The following SLC9A1 variants were observed in gnomAD, a reference collection of about 807,000 sequenced individuals.
The protein encoded by SLC9A1 is solute carrier family 9 member A1.
Under a neutral mutation model 67.9 loss-of-function variants are expected in SLC9A1, and 22 were observed. That is an observed-to-expected ratio of 0.32 (90% confidence interval 0.23 to 0.46). The LOEUF is 0.46. Ranked by LOEUF, SLC9A1 falls within the 20% of genes least tolerant of loss-of-function variation. The pLI is 1.00. For synonymous variants in SLC9A1, 421 were observed against 471.8 expected (o/e 0.89, Z 1.40); for missense variants, 686 against 1,094.8 (o/e 0.63, Z 5.27).
intron 1 of SLC9A1, among the ~76,000 whole-genome samples, chr1:27,115,617 A>T (rs2083267395): frequency 6.6e-6 from 1 of 151,996 alleles, no homozygotes; most frequent in Admixed American, 6.6e-5. Flanking sequence ...ATTTGACACC[A>T]GCTTGTACAA....
chr1:27,121,055 C>A (rs1038112047), intron 1 of SLC9A1, among the ~76,000 whole-genome samples: 2 of 152,174 alleles, frequency 1.3e-5, no homozygotes, highest in Non-Finnish European at 2.9e-5. Flanking sequence ...ATGCCTCCCC[C>A]ACAAAAACAG....
intron 1 of SLC9A1, among the ~76,000 whole-genome samples, chr1:27,143,269 C>T (rs1197545524): frequency 6.6e-6 from 1 of 152,066 alleles, no homozygotes; most frequent in African/African-American, 2.4e-5. Context: ...TGATGTTCCT[C>T]TTCTACCCCT....
At position 27,109,836 on chromosome 1, in the gene SLC9A1, T is replaced by G; in HGVS notation, c.814-59A>C. ...AGAGGGCCCTGGCCCCACGGTTCCCTGGGGTCCACCCAGGGCAATCCTGTC... is the reference window on the plus strand; with the variant it reads ...AGAGGGCCCTGGCCCCACGGTTCCCGGGGGTCCACCCAGGGCAATCCTGTC... On this transcript the variant is annotated intron_variant, in intron 2 of 11. Coordinates refer to ENST00000263980, the MANE Select transcript of SLC9A1 (RefSeq NM_003047.5). This position sits in a 1 kb window ranked among gnomAD's most constrained non-coding sequence, Gnocchi z 5.5. 6.3e-7 allele frequency: 1 copy of G among 1,597,952 alleles called. No homozygotes were observed. Among genetic ancestry groups the G allele is most frequent in the South Asian group, 1.1e-5 (1 of 89,766 alleles).
At chr1:27,131,803 C>T (rs1208388017) in intron 1 of SLC9A1, among the ~76,000 whole-genome samples, 2 of 146,316 alleles carry the variant, frequency 1.4e-5, no homozygotes, top group Non-Finnish European at 3.0e-5. Flanking sequence ...ATCCCATAAT[C>T]TCAGCTACAT....
At chr1:27,136,626 G>A (rs1175725699) in intron 1 of SLC9A1, among the ~76,000 whole-genome samples, 1 of 151,994 alleles carries the variant, frequency 6.6e-6, no homozygotes, top group Non-Finnish European at 1.5e-5. Flanking sequence ...CCCTCTGAAG[G>A]GAGCCACCAC....
chr1:27,115,973 T>C (rs983439365), intron 1 of SLC9A1, among the ~76,000 whole-genome samples: 2 of 152,100 alleles, frequency 1.3e-5, no homozygotes, highest in East Asian at 1.9e-4. Context: ...CTTGAGATCC[T>C]TGGGACAGAG....
intron 3 of SLC9A1, among the ~76,000 whole-genome samples, chr1:27,108,824 G>A (rs570677139): frequency 6.6e-6 from 1 of 152,146 alleles, no homozygotes; most frequent in Admixed American, 6.5e-5. Flanking sequence ...TGACCCAATA[G>A]GAGTCAATGA....
At chr1:27,149,702 G>A (rs1194981793) in intron 1 of SLC9A1, among the ~76,000 whole-genome samples, 1 of 152,208 alleles carries the variant, frequency 6.6e-6, no homozygotes, top group African/African-American at 2.4e-5. Context: ...TCTTAAGGAT[G>A]AGGCAAGTCA....
rs140748912 is a variant in SLC9A1, at chr1:27,107,661, G to A, written c.1269C>T (p.Ile423=). 5.2e-5 allele frequency: 81 copies of A among 1,555,584 alleles called. No homozygotes were observed. The highest frequency in any genetic ancestry group is 1.2e-4 in the East Asian group (5 of 42,150). The change falls in exon 4 of 12, where the codon ATC becomes ATT. Residue 423 remains isoleucine (I), a synonymous_variant. Transcript: ENST00000263980. ...FVISTLLFCL[I]ARVLGVLGLT... Reference sequence around the variant, plus strand: ...CCTGGCCCTCACCCAGCACGCGGGCGATGAGGCAGAAGAGCAGGGTGCTGA... The same window carrying A: ...CCTGGCCCTCACCCAGCACGCGGGCAATGAGGCAGAAGAGCAGGGTGCTGA...
chr1:27,109,618 G>A lies in SLC9A1; in HGVS notation c.973C>T (p.His325Tyr). The A allele has an allele frequency of 1.2e-6, 2 of 1,613,902 alleles. No homozygotes were observed. Among genetic ancestry groups the A allele is most frequent in the Non-Finnish European group, 1.7e-6 (2 of 1,179,972 alleles). ...IAAFTSRFTS[H>Y]IRVIEPLFVF... is the part of the protein sequence containing the mutation. ...AAGAGCGGCTCGATGACCCGGATGT[G>A]GGAGGTAAATCGGGAGGTGAAGGCT... Residue 325 changes from histidine to tyrosine, a missense_variant, in exon 3 of 12, where the codon CAC becomes TAC. By Grantham distance (83) the His-to-Tyr change is moderately conservative. Transcript: ENST00000263980. The surrounding 1 kb of genome is among the most constrained non-coding windows in gnomAD (Gnocchi z 5.5).
intron 1 of SLC9A1, among the ~76,000 whole-genome samples, chr1:27,147,299 C>CA (rs57583944): frequency 0.47 from 20,692 of 43,940 alleles, 5,054 homozygotes; most frequent in East Asian, 0.72. Context: ...GACTCTGTCT[C>CA]AAAAAAAAAA....
intron 1 of SLC9A1, among the ~76,000 whole-genome samples, chr1:27,139,941 C>T (rs1487580709): frequency 1.3e-5 from 2 of 151,956 alleles, no homozygotes; most frequent in African/African-American, 2.4e-5. Context: ...TAGAGACTTG[C>T]ACCATCACAC....
intron 1 of SLC9A1, among the ~76,000 whole-genome samples, chr1:27,152,255 C>T (rs891641732): frequency 3.3e-5 from 5 of 152,186 alleles, no homozygotes; most frequent in African/African-American, 1.2e-4. Flanking sequence ...TTCTGACTGC[C>T]TAGAGTGGGG....
At position 27,099,403 on chromosome 1, in the gene SLC9A1, A is replaced by G. The variant is rs2083122541; in HGVS notation, c.*904T>C. 6.5e-6 allele frequency: 1 copy of G among 153,048 alleles called. No homozygotes were observed. Among genetic ancestry groups the G allele is most frequent in the African/African-American group, 2.4e-5 (1 of 41,470 alleles). 9.5% of individuals were successfully genotyped at this position (153,048 alleles called of 1,614,324 possible). A position where few individuals can be genotyped will look rare whatever the true frequency, so the allele number is the denominator to read the frequency against. On this transcript the variant is annotated 3_prime_UTR_variant, in exon 12 of 12. Transcript: ENST00000263980. ...AGCAACAGTTAAGAGCCCAGCAGGC[A>G]GAGAGACGTGGGGGAGGGGTTGGAC...
chr1:27,147,384 TG>T (rs1265345543), intron 1 of SLC9A1, among the ~76,000 whole-genome samples: 5 of 149,586 alleles, frequency 3.3e-5, no homozygotes, highest in African/African-American at 1.2e-4. Flanking sequence ...CCCAGCTACT[TG>T]GGAGGTTGAA....
chr1:27,128,169 C>A (rs974408455), intron 1 of SLC9A1, among the ~76,000 whole-genome samples: 2 of 152,142 alleles, frequency 1.3e-5, no homozygotes, highest in Non-Finnish European at 2.9e-5. Context: ...GAGCTCTGGT[C>A]CATCAATGAG....
intron 1 of SLC9A1, among the ~76,000 whole-genome samples, chr1:27,120,859 C>T (rs1276276618): frequency 1.3e-5 from 2 of 152,132 alleles, no homozygotes; most frequent in Non-Finnish European, 2.9e-5. Flanking sequence ...CACATCCTGA[C>T]CCCCAATTTG....
In SLC9A1 at chr1:27,100,204, G is replaced by T; in HGVS notation, c.*103C>A. On this transcript the variant is annotated 3_prime_UTR_variant, in exon 12 of 12. Transcript: ENST00000263980. This position sits in a 1 kb window ranked among gnomAD's most constrained non-coding sequence, Gnocchi z 5.6. ...CCAGCTGCCATGCGGTAGGGGGAGG[G>T]GCAGGGCCAATCCGGGTCAGGAAGG... 2.4e-6 allele frequency: 2 copies of T among 830,372 alleles called. No individual in the cohort carries two copies. The highest frequency in any genetic ancestry group is 3.6e-6 in the Non-Finnish European group (2 of 556,526). The allele number at this position is 830,372 out of a possible 1,614,324, so 51.4% of individuals were successfully genotyped here. A position where few individuals can be genotyped will look rare whatever the true frequency, so the allele number is the denominator to read the frequency against.
rs2083553057 is a variant in SLC9A1 at position 27,154,492 on chromosome 1, G to A, written c.-158C>T. ...TTTCCATGGAAGCAATTTTCTGGGGGTGGAGGGAGGCTGGGTTTGCAATCT... is the reference window on the plus strand; with the variant it reads ...TTTCCATGGAAGCAATTTTCTGGGGATGGAGGGAGGCTGGGTTTGCAATCT... On this transcript the variant is annotated 5_prime_UTR_variant, in exon 1 of 12. Coordinates refer to ENST00000263980, the MANE Select transcript of SLC9A1 (RefSeq NM_003047.5). The A allele has an allele frequency of 7.5e-6, 4 of 531,808 alleles. No individual in the cohort carries two copies. Among genetic ancestry groups the A allele is most frequent in the East Asian group, 3.2e-5 (1 of 31,446 alleles). The allele number at this position is 531,808 out of a possible 1,614,324, so 32.9% of individuals were successfully genotyped here. A position where few individuals can be genotyped will look rare whatever the true frequency, so the allele number is the denominator to read the frequency against.
Sources: allele counts gnomAD v4.1 joint callset (sites outside exome capture counted in the v4.1 genomes callset), GRCh38; gene constraint gnomAD v4.1.1; non-coding constraint Gnocchi (gnomAD v3.1); transcripts MANE v1.5; gene names NCBI Gene and HGNC (gene_info 2026-07-23, HGNC 2026-07-21).